Variants in LNX1 observed in about 807,000 individuals in gnomAD.
LNX1 encodes ligand of numb-protein X 1.
In LNX1, 54 loss-of-function variants were observed where a neutral mutation model predicts 68.4. The observed-to-expected ratio is 0.79, with a 90% CI of 0.63 to 0.99. The LOEUF (loss-of-function observed/expected upper bound fraction) is 0.99, where lower values mean the gene tolerates loss of function less well. Ranked by LOEUF, LNX1 falls within the 50% of genes least tolerant of loss-of-function variation. The pLI, the probability that LNX1 is intolerant of heterozygous loss-of-function variation, is 0.00. For synonymous variants in LNX1, 336 were observed against 350.0 expected (o/e 0.96, Z 0.45); for missense variants, 906 against 926.4 (o/e 0.98, Z 0.29).
intron 6 of LNX1, among the ~76,000 whole-genome samples, chr4:53,495,816 T>C (rs1725010778): frequency 6.6e-6 from 1 of 152,202 alleles, no homozygotes. Flanking sequence ...AGTGCTGGGA[T>C]TACAGGCATG....
chr4:53,518,790 T>TC (rs1372709893), intron 2 of LNX1, among the ~76,000 whole-genome samples: 1 of 137,638 alleles, frequency 7.3e-6, no homozygotes, highest in Non-Finnish European at 1.7e-5. Context: ...TGGCTGATTA[T>TC]TTGGGGGGCA....
intron 2 of LNX1, among the ~76,000 whole-genome samples, chr4:53,561,204 TCATAGGTAATAGTCCC>T (rs1730263134): frequency 6.6e-6 from 1 of 152,168 alleles, no homozygotes; most frequent in African/African-American, 2.4e-5. Flanking sequence ...TGCTTACTTT[TCATAGGTAATAGTCCC>T]CTGTATTTCT....
At chr4:53,576,893 G>C (rs1334096277) in intron 1 of LNX1, among the ~76,000 whole-genome samples, 1 of 152,192 alleles carries the variant, frequency 6.6e-6, no homozygotes, top group Non-Finnish European at 1.5e-5. Flanking sequence ...TTGACTTCAG[G>C]CTTTCATTGA....
At chr4:53,497,182 T>G (rs1017047231) in intron 5 of LNX1, among the ~76,000 whole-genome samples, 4 of 152,194 alleles carry the variant, frequency 2.6e-5, no homozygotes, top group Non-Finnish European at 5.9e-5. Context: ...ACTAATGATG[T>G]GTAGGGCTGA....
intron 2 of LNX1, among the ~76,000 whole-genome samples, chr4:53,536,964 T>C (rs1247303946): frequency 6.6e-6 from 1 of 152,240 alleles, no homozygotes; most frequent in Admixed American, 6.5e-5. Context: ...TCTGACTTGG[T>C]GTTAACAGTG....
At chr4:53,563,578 A>G (rs1232499516) in intron 2 of LNX1, among the ~76,000 whole-genome samples, 1 of 149,266 alleles carries the variant, frequency 6.7e-6, no homozygotes, top group African/African-American at 2.5e-5. Context: ...TCTGTCACCC[A>G]GGCTGGAGTA....
intron 9 of LNX1, among the ~76,000 whole-genome samples, chr4:53,470,542 G>A (rs1041606142): frequency 6.6e-6 from 1 of 152,198 alleles, no homozygotes; most frequent in Non-Finnish European, 1.5e-5. Context: ...AAAAGAGGAA[G>A]TCAAATTGTC....
At chr4:53,522,386 G>A (rs745993232) in intron 2 of LNX1, among the ~76,000 whole-genome samples, 7 of 152,170 alleles carry the variant, frequency 4.6e-5, no homozygotes, top group Non-Finnish European at 1.0e-4. Context: ...TCTACTAAAT[G>A]TAAGGCACCA....
At chr4:53,582,545 T>C (rs181638222) in intron 1 of LNX1, among the ~76,000 whole-genome samples, 2 of 152,340 alleles carry the variant, frequency 1.3e-5, no homozygotes, top group East Asian at 1.9e-4. Flanking sequence ...ACTGTATTCA[T>C]GTTTGCTTTG....
intron 4 of LNX1, among the ~76,000 whole-genome samples, chr4:53,504,453 G>A (rs1220683921): frequency 6.6e-6 from 1 of 152,238 alleles, no homozygotes; most frequent in African/African-American, 2.4e-5. Flanking sequence ...TTAAGGGAAT[G>A]TTGTGGCTGT....
chr4:53,528,161 T>G (rs1427818770), intron 2 of LNX1, among the ~76,000 whole-genome samples: 2 of 152,238 alleles, frequency 1.3e-5, no homozygotes, highest in African/African-American at 2.4e-5. Flanking sequence ...ACTGCTCTTT[T>G]GCCAGTTGGA....
intron 9 of LNX1, among the ~76,000 whole-genome samples, chr4:53,465,592 AC>A (rs1722619864): frequency 6.6e-6 from 1 of 152,114 alleles, no homozygotes; most frequent in Admixed American, 6.5e-5. Flanking sequence ...CCTACCTAAA[AC>A]TTCCAATTCA....
chr4:53,478,297 C>A (rs1423311112), intron 8 of LNX1, among the ~76,000 whole-genome samples: 2 of 152,062 alleles, frequency 1.3e-5, no homozygotes, highest in Non-Finnish European at 2.9e-5. Flanking sequence ...ATAGAGGTAA[C>A]TTGCTCATAA....
intron 2 of LNX1, among the ~76,000 whole-genome samples, chr4:53,571,395 A>G (rs975536666): frequency 6.6e-6 from 1 of 152,002 alleles, no homozygotes; most frequent in Admixed American, 6.6e-5. Flanking sequence ...GAGTTCTTAT[A>G]GGAGGGAGGC....
intron 1 of LNX1, among the ~76,000 whole-genome samples, chr4:53,632,568 C>A (rs185437280): frequency 3.8e-4 from 58 of 152,190 alleles, no homozygotes; most frequent in Admixed American, 6.5e-4. Context: ...TGTTCCCTGT[C>A]GGATCAGGCT....
intron 4 of LNX1, among the ~76,000 whole-genome samples, chr4:53,503,657 G>T (rs1331228127): frequency 6.6e-6 from 1 of 152,138 alleles, no homozygotes; most frequent in African/African-American, 2.4e-5. Context: ...AATTCTTAAG[G>T]GTCCTAGGAT....
At chr4:53,648,192 ATAGCT>A (rs540573991) in intron 1 of LNX1, among the ~76,000 whole-genome samples, 176 of 152,242 alleles carry the variant, frequency 1.2e-3, no homozygotes, top group Non-Finnish European at 2.1e-3. Flanking sequence ...ATGTTACACA[ATAGCT>A]GTATCAGTCT....
At chr4:53,595,599 C>G (rs1405827751), upstream of LNX1, among the ~76,000 whole-genome samples, 2 of 152,144 alleles carry the variant, frequency 1.3e-5, no homozygotes, top group Non-Finnish European at 2.9e-5. Flanking sequence ...TTTGGATAGG[C>G]AGGTGGAAAA....
intron 1 of LNX1, among the ~76,000 whole-genome samples, chr4:53,588,536 A>T (rs571155483): frequency 3.9e-5 from 6 of 152,110 alleles, no homozygotes; most frequent in Non-Finnish European, 8.8e-5. Flanking sequence ...TGCCCCACCT[A>T]GAATGGAATG....
Sources: gnomAD v4.1 joint callset for allele counts (sites outside exome capture counted in the v4.1 genomes callset) on GRCh38, gnomAD v4.1.1 for gene constraint, MANE v1.5 for transcripts, NCBI Gene and HGNC (gene_info 2026-07-23, HGNC 2026-07-21) for gene names.